The following LGALS4 variants were observed in gnomAD, a reference collection of about 807,000 sequenced individuals.
The protein encoded by LGALS4 is galectin-4.
A neutral mutation model predicts 39.6 loss-of-function variants in LGALS4; 37 were observed. The observed-to-expected ratio is 0.93, with a 90% CI of 0.72 to 1.23. LGALS4 has a LOEUF of 1.23. Among genes scored for constraint, LGALS4 ranks in the 50% most tolerant of loss-of-function variants. LGALS4 has a pLI of 0.00. For synonymous variants in LGALS4, 160 were observed against 165.5 expected, an observed-to-expected ratio of 0.97 and a Z score of 0.25; for missense variants, 397 against 433.2, an observed-to-expected ratio of 0.92 and a Z score of 0.74.
intron 7 of LGALS4, 129 bp downstream of exon 7, chr19:38,803,393 C>T (rs73933059): frequency 0.1 from 93,613 of 900,932 alleles, 5,449 homozygotes; most frequent in Middle Eastern, 0.14. Context: ...AACCTGACCA[C>T]GAACTCTATC....
intron 2 of LGALS4, among the ~76,000 whole-genome samples, chr19:38,809,425 C>T (rs980912758): frequency 6.6e-5 from 10 of 152,046 alleles, no homozygotes; most frequent in Admixed American, 5.9e-4. Context: ...GGTGATCCAC[C>T]TGCCTCGGCT....
At position 38,801,998 on chromosome 19, in the gene LGALS4, G is replaced by T. The variant is rs1043462644; in HGVS notation, c.819C>A (p.Phe273Leu). 1.6e-5 allele frequency: 26 copies of T among 1,614,100 alleles called. No homozygotes were observed. The highest frequency in any genetic ancestry group is 2.1e-5 in the Non-Finnish European group (25 of 1,180,044). The stretch of plus-strand genomic sequence containing the variant: ...AAAGAGAGCTCAGACTCACATCAAA[G>T]AACTGTCCGGGACCAAATGGGTTGT... The part of the protein sequence containing the change: ...ITHNPFGPGQ[F>L]FDLSIRCGLD... The change falls in exon 9 of 10, where the codon TTC (phenylalanine) becomes TTA (leucine). Residue 273 changes from phenylalanine (F) to leucine (L), a missense_variant. Coordinates refer to ENST00000307751, the MANE Select transcript of LGALS4 (RefSeq NM_006149.4).
At chr19:38,808,497 G>A (rs1486137316) in intron 3 of LGALS4, among the ~76,000 whole-genome samples, 2 of 151,790 alleles carry the variant, frequency 1.3e-5, no homozygotes, top group African/African-American at 4.8e-5. Context: ...GGTGGCACGC[G>A]CCTATAATCC....
chr19:38,809,080 C>A, intron 2 of LGALS4, 132 bp from the exon 3 acceptor site: 1 of 704,716 alleles, frequency 1.4e-6, no homozygotes, highest in Admixed American at 2.7e-5. Flanking sequence ...CTCTGAGGGG[C>A]AACCTTGGCA....
At chr19:38,803,159 C>T (rs922960627) in intron 7 of LGALS4, 17 of 248,776 alleles carry the variant, frequency 6.8e-5, no homozygotes, top group Admixed American at 4.9e-4. Context: ...GGATTACAGG[C>T]GCGCGCCACC....
chr19:38,802,252 G>T, intron 8 of LGALS4, 64 bp downstream of exon 8: 1 of 1,596,476 alleles, frequency 6.3e-7, no homozygotes, highest in Non-Finnish European at 8.6e-7. Flanking sequence ...AGGGGACAGA[G>T]GGTCTAGATT....
At position 38,806,518 on chromosome 19, in the gene LGALS4, A is replaced by G; in HGVS notation, c.417T>C (p.Asp139=). The change falls in exon 4 of 10, where the codon GAT becomes GAC. Residue 139 remains aspartate (D), a synonymous_variant. Transcript: ENST00000307751. Reference sequence around the variant, plus strand: ...TGATTGATTGAAGTTGCAGATCCCCATCCACTTGCAGGTGGGTGACCATCT... The same window carrying G: ...TGATTGATTGAAGTTGCAGATCCCCGTCCACTTGCAGGTGGGTGACCATCT... The part of the protein sequence containing the change: ...PLQMVTHLQV[D]GDLQLQSINF... The G allele has an allele frequency of 6.2e-7, 1 of 1,614,204 alleles. No individual in the cohort carries two copies. Among genetic ancestry groups the G allele is most frequent in the Non-Finnish European group, 8.5e-7 (1 of 1,180,026 alleles).
chr19:38,812,683 C>G (rs1355622183), intron 1 of LGALS4, 159 bp downstream of exon 1: 3 of 951,912 alleles, frequency 3.2e-6, no homozygotes, highest in African/African-American at 1.6e-5. Flanking sequence ...ACACAGACAG[C>G]CTGAGGTCAG....
rs868453109 is a variant in LGALS4 at position 38,808,638 on chromosome 19, A to G, written c.339+106T>C. 15 of 926,268 alleles carry G rather than the reference A, an allele frequency of 1.6e-5. No individual in the cohort carries two copies. In the African/African-American group the frequency reaches 2.4e-4, roughly 15 times the overall value. The allele number at this position is 926,268 out of a possible 1,614,324, so 57.4% of individuals were successfully genotyped here. A position where few individuals can be genotyped will look rare whatever the true frequency, so the allele number is the denominator to read the frequency against. ...AACTCCATCTCAAAAAAAAAAAAAA[A>G]AAAAAGAAAGAAAGAAAGAAAAGGA... On this transcript the variant is annotated intron_variant, in intron 3 of 9. Transcript: ENST00000307751.
intron 1 of LGALS4, 136 bp from the exon 2 acceptor site, chr19:38,812,655 G>A (rs1971508544): frequency 4.2e-6 from 4 of 963,640 alleles, no homozygotes; most frequent in Middle Eastern, 2.1e-4. Context: ...GATGACGAGG[G>A]CCAACAGTTA....
chr19:38,809,041 G>A (rs548096015), intron 2 of LGALS4, 93 bp from the exon 3 acceptor site: 52 of 1,039,306 alleles, frequency 5.0e-5, no homozygotes, highest in African/African-American at 3.8e-4. Flanking sequence ...CCCTGTCCTC[G>A]GCCTCCCTGG....
At position 38,801,809 on chromosome 19, in the gene LGALS4, T is replaced by C. The variant is rs767203886; in HGVS notation, c.927A>G (p.Thr309=). The C allele has an allele frequency of 1.9e-6, 3 of 1,614,184 alleles. No individual in the cohort carries two copies. Among genetic ancestry groups the C allele is most frequent in the Admixed American group, 1.7e-5 (1 of 60,022 alleles). ...HRLSAFQRVD[T]LEIQGDVTLS... is the part of the protein sequence containing the mutation. ...AGGTGACATCACCCTGGATTTCCAA[T>C]GTGTCCACCCTCTGGAAGGCCGAGA... is the stretch of plus-strand genomic sequence containing the variant. The change falls in exon 10 of 10, where the codon ACA becomes ACG. Residue 309 remains threonine, a synonymous_variant. Coordinates refer to ENST00000307751, the MANE Select transcript of LGALS4 (RefSeq NM_006149.4).
intron 2 of LGALS4, among the ~76,000 whole-genome samples, chr19:38,809,240 C>A (rs188887629): frequency 6.7e-6 from 1 of 149,096 alleles, no homozygotes; most frequent in East Asian, 2.0e-4. Context: ...GTTGGAGTGC[C>A]GCGATCTCAG....
intron 4 of LGALS4, among the ~76,000 whole-genome samples, chr19:38,804,484 G>A (rs2145354384): frequency 6.6e-6 from 1 of 152,154 alleles, no homozygotes; most frequent in South Asian, 2.1e-4. Context: ...TCTCCATGTT[G>A]GTCAGGCTGG....
intron 4 of LGALS4, 48 bp from the exon 5 acceptor site, chr19:38,803,943 G>GC: frequency 6.4e-7 from 1 of 1,573,300 alleles, no homozygotes; most frequent in Admixed American, 1.9e-5. Flanking sequence ...CCCCAGATTT[G>GC]CGACTGAAAG....
intron 7 of LGALS4, chr19:38,803,073 G>A (rs1172820388): frequency 7.2e-6 from 1 of 138,514 alleles, no homozygotes; most frequent in African/African-American, 3.0e-5. Flanking sequence ...GGAGTACTGT[G>A]GCACGATCCC....
At position 38,802,313 on chromosome 19, in the gene LGALS4, T is replaced by C. The variant is rs1321853131; in HGVS notation, c.659+3A>G. ...GGGGGTTCCCACCTAGTTTACGTTA[T>C]ACCTCTTGCCTGTGGGAGGCACATA... On this transcript the variant is annotated splice_donor_region_variant and intron_variant, in intron 8 of 9. Coordinates refer to ENST00000307751, the MANE Select transcript of LGALS4 (RefSeq NM_006149.4). The C allele has an allele frequency of 6.2e-6, 10 of 1,613,562 alleles. No individual in the cohort carries two copies. The highest frequency in any genetic ancestry group is 4.0e-5 in the African/African-American group (3 of 74,914).
chr19:38,802,615 C>T (rs948008857), intron 7 of LGALS4, among the ~76,000 whole-genome samples: 1 of 152,132 alleles, frequency 6.6e-6, no homozygotes, highest in Non-Finnish European at 1.5e-5. Flanking sequence ...CCATCTCAGC[C>T]TCCCGAAGTG....
At chr19:38,809,092 T>C (rs1971460231) in intron 2 of LGALS4, 144 bp from the exon 3 acceptor site, 1 of 648,444 alleles carries the variant, frequency 1.5e-6, no homozygotes, top group African/African-American at 1.8e-5. Context: ...ACCTTGGCAC[T>C]GTGGGCCACA....
Sources: gnomAD v4.1 joint callset for allele counts (sites outside exome capture counted in the v4.1 genomes callset) on GRCh38, gnomAD v4.1.1 for gene constraint, MANE v1.5 for transcripts, NCBI Gene and HGNC (gene_info 2026-07-23, HGNC 2026-07-21) for gene names.